The following PRKCE variants were observed in gnomAD, a reference collection of about 807,000 sequenced individuals.
The protein encoded by PRKCE is protein kinase C epsilon, also known as protein kinase C epsilon type.
A neutral mutation model predicts 85.4 loss-of-function variants in PRKCE; 16 were observed. That is an observed-to-expected ratio of 0.19 (90% CI 0.13 to 0.28). The LOEUF is 0.28. PRKCE is among the 10% of genes least tolerant of loss of function. The pLI, the probability that PRKCE is intolerant of heterozygous loss-of-function variation, is 1.00. For missense variants in PRKCE, 573 were observed against 975.2 expected (o/e 0.59, Z 5.49); for synonymous variants, 388 against 371.5 (o/e 1.04, Z -0.51).
chr2:46,010,844 A>G, intron 10 of PRKCE: 2 of 1,535,322 alleles, frequency 1.3e-6, no homozygotes, highest in Non-Finnish European at 8.7e-7. Flanking sequence ...CTAACTTTCT[A>G]TCACTAATCA....
chr2:45,886,989 C>T (rs1324027412), intron 2 of PRKCE, among the ~76,000 whole-genome samples: 6 of 152,168 alleles, frequency 3.9e-5, no homozygotes, highest in Admixed American at 2.6e-4. Context: ...CGTGGCAGAA[C>T]GGGGTCAGAA....
At chr2:45,894,786 G>A (rs748016212) in intron 2 of PRKCE, among the ~76,000 whole-genome samples, 1 of 152,154 alleles carries the variant, frequency 6.6e-6, no homozygotes, top group Non-Finnish European at 1.5e-5. Context: ...GCAATGACGC[G>A]ATCTTGGCTC....
At chr2:45,980,432 C>A in intron 5 of PRKCE, 51 bp downstream of exon 5, 1 of 1,493,946 alleles carries the variant, frequency 6.7e-7, no homozygotes, top group Non-Finnish European at 9.2e-7. Flanking sequence ...CCAGCCCCTC[C>A]CTTCACTGCC....
chr2:45,772,612 C>A (rs559303647), intron 1 of PRKCE, among the ~76,000 whole-genome samples: 70 of 152,294 alleles, frequency 4.6e-4, no homozygotes, highest in Admixed American at 1.8e-3. Flanking sequence ...GCTCTTCCCA[C>A]AGTGAGCTTG....
intron 11 of PRKCE, among the ~76,000 whole-genome samples, chr2:46,123,728 G>A (rs566307900): frequency 6.6e-5 from 10 of 152,172 alleles, no homozygotes; most frequent in African/African-American, 1.4e-4. Flanking sequence ...TCCAGTGACC[G>A]ACCTGCCTCA....
At chr2:46,156,703 T>A (rs982808149) in intron 13 of PRKCE, among the ~76,000 whole-genome samples, 1 of 152,254 alleles carries the variant, frequency 6.6e-6, no homozygotes, top group African/African-American at 2.4e-5. Flanking sequence ...GGGACTCTGT[T>A]GTCCAACTTT....
At chr2:46,161,095 C>T (rs1297846049) in intron 14 of PRKCE, among the ~76,000 whole-genome samples, 1 of 152,232 alleles carries the variant, frequency 6.6e-6, no homozygotes, top group Non-Finnish European at 1.5e-5. Context: ...ACCACAGCTC[C>T]AGGCCCACCA....
chr2:45,662,221 G>A (rs896424900), intron 1 of PRKCE, among the ~76,000 whole-genome samples: 3 of 152,178 alleles, frequency 2.0e-5, no homozygotes, highest in Non-Finnish European at 4.4e-5. Flanking sequence ...CATTCACTGA[G>A]CAAATATTTA....
chr2:46,067,247 A>G (rs1239488770), intron 10 of PRKCE, among the ~76,000 whole-genome samples: 22 of 152,244 alleles, frequency 1.4e-4, no homozygotes, highest in Non-Finnish European at 7.3e-5. Flanking sequence ...CTATTTGAAC[A>G]AGTGCCAAAT....
intron 2 of PRKCE, among the ~76,000 whole-genome samples, chr2:45,943,629 A>G (rs1290650627): frequency 6.6e-6 from 1 of 152,058 alleles, no homozygotes; most frequent in Non-Finnish European, 1.5e-5. Flanking sequence ...AATGTTTTCC[A>G]GTTCCACTGT....
intron 2 of PRKCE, among the ~76,000 whole-genome samples, chr2:45,921,438 C>G (rs1409889669): frequency 6.6e-6 from 1 of 152,248 alleles, no homozygotes; most frequent in Non-Finnish European, 1.5e-5. Flanking sequence ...CACTTGCGTG[C>G]CAGCTACTCT....
intron 10 of PRKCE, among the ~76,000 whole-genome samples, chr2:46,065,247 T>G (rs1186381479): frequency 2.0e-5 from 3 of 152,080 alleles, no homozygotes; most frequent in Non-Finnish European, 4.4e-5. Context: ...CTTGAAAGAA[T>G]GCTGTTTATC....
At chr2:45,970,842 T>G (rs1047010063) in intron 2 of PRKCE, among the ~76,000 whole-genome samples, 1 of 150,312 alleles carries the variant, frequency 6.7e-6, no homozygotes, top group Non-Finnish European at 1.5e-5. Flanking sequence ...AAACTATATA[T>G]GTATATATCA....
At position 45,907,965 on chromosome 2, in the gene PRKCE, A is replaced by G. The variant is rs1015808634; in HGVS notation, c.412+64902A>G. Among the ~76,000 whole-genome samples, 1 of 152,150 alleles carries G rather than the reference A, an allele frequency of 6.6e-6. No individual in the cohort carries two copies. The highest frequency in any genetic ancestry group is 1.5e-5 in the Non-Finnish European group (1 of 68,030). ...ACCTTCTAGGATTCTGTCCGACTTC[A>G]TCCTTTTCAAATCTCTGAAGTGGGG... On this transcript the variant is annotated intron_variant, in intron 2 of 14. Coordinates refer to ENST00000306156, the MANE Select transcript of PRKCE (RefSeq NM_005400.3). The surrounding 1 kb of genome is among the most constrained non-coding windows in gnomAD (Gnocchi z 4.5).
At chr2:45,988,681 T>C (rs1440829489) in intron 6 of PRKCE, among the ~76,000 whole-genome samples, 1 of 152,208 alleles carries the variant, frequency 6.6e-6, no homozygotes, top group African/African-American at 2.4e-5. Flanking sequence ...GTGACTCAAG[T>C]GCCTGCTGCG....
At chr2:46,126,289 G>T (rs888423225) in intron 11 of PRKCE, among the ~76,000 whole-genome samples, 1 of 152,132 alleles carries the variant, frequency 6.6e-6, no homozygotes, top group Non-Finnish European at 1.5e-5. Context: ...GCGTGCTGGG[G>T]GGATACAGTG....
intron 1 of PRKCE, among the ~76,000 whole-genome samples, chr2:45,663,537 A>T (rs1675772337): frequency 6.6e-6 from 1 of 152,194 alleles, no homozygotes; most frequent in African/African-American, 2.4e-5. Context: ...TAATCCCAGC[A>T]CTTTGGGAGG....
chr2:46,003,998 C>T, intron 7 of PRKCE: 1 of 158,272 alleles, frequency 6.3e-6, no homozygotes, highest in Non-Finnish European at 1.4e-5. Flanking sequence ...TCTTTTCCTA[C>T]TTGGTGAGAT....
rs150591391 is a variant in PRKCE, at chr2:45,662,014, G to T, written c.348+9566G>T. On this transcript the variant is annotated intron_variant, in intron 1 of 14. Transcript: ENST00000306156. ...TATAAGCATCTCGTGAACAGGAAGT[G>T]TCCCCCTCTACCCCCCTTTAGCTCT... is the stretch of plus-strand genomic sequence containing the variant. 3.3e-5 allele frequency among the ~76,000 whole-genome samples: 5 copies of T among 152,226 alleles called. No homozygotes were observed. In the East Asian group the frequency reaches 9.6e-4, roughly 29 times the overall value.
Sources: allele counts gnomAD v4.1 joint callset (sites outside exome capture counted in the v4.1 genomes callset), GRCh38; gene constraint gnomAD v4.1.1; non-coding constraint Gnocchi (gnomAD v3.1); transcripts MANE v1.5; gene names NCBI Gene and HGNC (gene_info 2026-07-23, HGNC 2026-07-21).